Variants in FBXW8 observed in about 807,000 individuals in gnomAD.
The protein encoded by FBXW8 is F-box/WD repeat-containing protein 8.
Under a neutral mutation model 65.3 loss-of-function variants are expected in FBXW8, and 57 were observed. The observed-to-expected ratio is 0.87, with a 90% CI of 0.71 to 1.09. The LOEUF is 1.09. FBXW8 is among the 50% of genes least tolerant of loss of function. The pLI is 0.00. For missense variants in FBXW8, 777 were observed against 814.8 expected (o/e 0.95, Z 0.57); for synonymous variants, 308 against 330.2 (o/e 0.93, Z 0.73).
chr12:117,022,480 C>T (rs563506269), intron 8 of FBXW8, among the ~76,000 whole-genome samples: 32 of 151,788 alleles, frequency 2.1e-4, no homozygotes, highest in South Asian at 1.2e-3. Context: ...ACAGCAAAAC[C>T]GTCTCTACTG....
At chr12:117,004,675 A>G (rs974697495) in intron 7 of FBXW8, among the ~76,000 whole-genome samples, 1 of 152,156 alleles carries the variant, frequency 6.6e-6, no homozygotes, top group Non-Finnish European at 1.5e-5. Flanking sequence ...GCACCAATAG[A>G]TACTTTCCCC....
At chr12:116,952,680 C>T (rs976452310) in intron 4 of FBXW8, among the ~76,000 whole-genome samples, 4 of 152,204 alleles carry the variant, frequency 2.6e-5, no homozygotes, top group Non-Finnish European at 5.9e-5. Flanking sequence ...TTTAACTTTA[C>T]AGCCATCTAC....
At position 116,992,418 on chromosome 12, in the gene FBXW8, G is replaced by C. The variant is rs144524922; in HGVS notation, c.1239+3549G>C. ...TTTGCCCTTTTTTTTTTGAAGATCA[G>C]AGTTTTGTTTTTTTTTTAATTCGTT... On this transcript the variant is annotated intron_variant, in intron 7 of 10. Coordinates refer to ENST00000652555, the MANE Select transcript of FBXW8 (RefSeq NM_153348.3). Among the ~76,000 whole-genome samples, 433 of 146,300 alleles carry C rather than the reference G, an allele frequency of 3.0e-3. 4 individuals are homozygous for C. Among genetic ancestry groups the C allele is most frequent in the African/African-American group, 0.011 (423 of 38,168 alleles).
intron 4 of FBXW8, among the ~76,000 whole-genome samples, chr12:116,955,723 G>A (rs1883599486): frequency 6.6e-6 from 1 of 152,204 alleles, no homozygotes; most frequent in Non-Finnish European, 1.5e-5. Flanking sequence ...TCTGTTTTGT[G>A]ATGCTTAGAC....
intron 2 of FBXW8, among the ~76,000 whole-genome samples, chr12:116,944,401 C>T (rs986926899): frequency 7.2e-5 from 11 of 152,182 alleles, no homozygotes; most frequent in African/African-American, 2.7e-4. Context: ...TACTTTCTCT[C>T]ATTTTCCTTC....
chr12:117,005,982 C>G (rs1352311921), intron 7 of FBXW8, among the ~76,000 whole-genome samples: 1 of 152,168 alleles, frequency 6.6e-6, no homozygotes, highest in Non-Finnish European at 1.5e-5. Context: ...TGCCACTGCC[C>G]TTTTTTAAAT....
intron 5 of FBXW8, among the ~76,000 whole-genome samples, chr12:116,973,753 T>C (rs185568632): frequency 3.3e-5 from 5 of 152,334 alleles, no homozygotes; most frequent in Non-Finnish European, 4.4e-5. Context: ...TGTGTCATCC[T>C]GGCTTGGGTT....
At chr12:117,004,113 A>G (rs1262084694) in intron 7 of FBXW8, among the ~76,000 whole-genome samples, 1 of 152,162 alleles carries the variant, frequency 6.6e-6, no homozygotes, top group Non-Finnish European at 1.5e-5. Context: ...TGTCTGTTGC[A>G]TTCCGCCCAA....
At chr12:116,956,185 G>A (rs1208432600) in intron 4 of FBXW8, among the ~76,000 whole-genome samples, 1 of 151,878 alleles carries the variant, frequency 6.6e-6, no homozygotes, top group Non-Finnish European at 1.5e-5. Flanking sequence ...TTCTCCCCTG[G>A]TTTCCGCCTT....
intron 7 of FBXW8, among the ~76,000 whole-genome samples, chr12:117,004,965 A>G (rs1422060872): frequency 6.6e-6 from 1 of 152,138 alleles, no homozygotes; most frequent in Non-Finnish European, 1.5e-5. Flanking sequence ...TGTCTGAAGG[A>G]CTGTTTGATG....
chr12:117,017,166 A>T (rs932002900), intron 8 of FBXW8, among the ~76,000 whole-genome samples: 5 of 152,238 alleles, frequency 3.3e-5, no homozygotes, highest in Admixed American at 1.3e-4. Flanking sequence ...TTAATAACTA[A>T]ATGTTTTAGT....
At chr12:116,993,098 C>CTTTTTTTTTTTTTTTTTT (rs71099026) in intron 7 of FBXW8, among the ~76,000 whole-genome samples, 4 of 85,418 alleles carry the variant, frequency 4.7e-5, no homozygotes, top group Non-Finnish European at 6.2e-5. Context: ...TGATTTTTGA[C>CTTTTTTTTTTTTTTTTTT]TTTTTTTTTT....
At chr12:116,983,091 A>G (rs779683110) in intron 5 of FBXW8, among the ~76,000 whole-genome samples, 7 of 152,216 alleles carry the variant, frequency 4.6e-5, no homozygotes, top group Non-Finnish European at 1.0e-4. Flanking sequence ...GAGGAGACAC[A>G]CGAGTCTCTG....
chr12:117,006,452 C>T (rs1953675559), intron 7 of FBXW8, among the ~76,000 whole-genome samples: 2 of 152,262 alleles, frequency 1.3e-5, no homozygotes, highest in Non-Finnish European at 2.9e-5. Context: ...CAGCTCTTTC[C>T]TTCACAGTTT....
At chr12:117,027,842 G>A (rs182342806) in intron 10 of FBXW8, among the ~76,000 whole-genome samples, 186 bp from the exon 11 acceptor site, 2 of 152,360 alleles carry the variant, frequency 1.3e-5, no homozygotes, top group Admixed American at 1.3e-4. Flanking sequence ...CATCGGACTT[G>A]TGCACCCCCA....
chr12:116,998,769 G>A (rs1224813625), intron 7 of FBXW8, among the ~76,000 whole-genome samples: 2 of 152,254 alleles, frequency 1.3e-5, no homozygotes, highest in African/African-American at 2.4e-5. Flanking sequence ...GAGGCTGTGT[G>A]CTTCCCCTGC....
rs1476650002 is a variant in FBXW8 at position 117,010,585 on chromosome 12, ACT to A, written c.1367+138_1367+139del. 3.6e-6 allele frequency: 4 copies of A among 1,116,148 alleles called. No individual in the cohort carries two copies. In the African/African-American group the frequency reaches 6.2e-5, roughly 17 times the overall value. The allele number at this position is 1,116,148 out of a possible 1,614,324, so 69.1% of individuals were successfully genotyped here. ...TGAGTTCAGCCCCGATCCCATAAAC[ACT>A]CTAGACTCAGAGAACAAAGTCCTGT... On this transcript the variant is annotated intron_variant, in intron 8 of 10. Coordinates refer to ENST00000652555, the MANE Select transcript of FBXW8 (RefSeq NM_153348.3).
intron 2 of FBXW8, among the ~76,000 whole-genome samples, chr12:116,941,533 C>G (rs1185927761): frequency 6.6e-6 from 1 of 152,200 alleles, no homozygotes; most frequent in Admixed American, 6.5e-5. Flanking sequence ...GAGGCCAAAA[C>G]TTTAATGTGT....
chr12:116,982,727 T>C (rs1034541871), intron 5 of FBXW8, among the ~76,000 whole-genome samples: 1 of 151,168 alleles, frequency 6.6e-6, no homozygotes, highest in African/African-American at 2.4e-5. Flanking sequence ...GTTGGAAAAA[T>C]GATGCCAGCA....
Sources: allele counts gnomAD v4.1 joint callset (sites outside exome capture counted in the v4.1 genomes callset), GRCh38; gene constraint gnomAD v4.1.1; transcripts MANE v1.5; gene names NCBI Gene and HGNC (gene_info 2026-07-23, HGNC 2026-07-21).